Variants in GABRB2 observed in about 807,000 individuals in gnomAD.
GABRB2 encodes the protein gamma-aminobutyric acid type A receptor subunit beta2.
A neutral mutation model predicts 54.7 loss-of-function variants in GABRB2; 16 were observed. The ratio of observed to expected loss-of-function variants is 0.29; its 90% confidence interval spans 0.20 to 0.44. The LOEUF (loss-of-function observed/expected upper bound fraction) is 0.44, where lower values mean the gene tolerates loss of function less well. Ranked by LOEUF, GABRB2 falls within the 20% of genes least tolerant of loss-of-function variation. The pLI, the probability that GABRB2 is intolerant of heterozygous loss-of-function variation, is 1.00. For synonymous variants in GABRB2, 244 were observed against 233.8 expected (o/e 1.04, Z -0.40); for missense variants, 355 against 644.0 (o/e 0.55, Z 4.86).
intron 4 of GABRB2, among the ~76,000 whole-genome samples, chr5:161,416,437 CAT>C (rs941949851): frequency 2.6e-5 from 4 of 151,926 alleles, no homozygotes; most frequent in Non-Finnish European, 4.4e-5. Context: ...TGTGACTAAA[CAT>C]GTGAGAATCT....
At chr5:161,294,548 T>C in intron 9 of GABRB2, 120 bp from the exon 10 acceptor site, 2 of 747,886 alleles carry the variant, frequency 2.7e-6, no homozygotes, top group South Asian at 3.8e-5. Context: ...GAGCTACCTT[T>C]GCGATTACAT....
At position 161,336,646 on chromosome 5, in the gene GABRB2, A is replaced by G; in HGVS notation, c.665T>C (p.Val222Ala). Residue 222 changes from valine to alanine, a missense_variant, in exon 6 of 10, where the codon GTT (valine) becomes GCT (alanine). Physicochemically the swap from Val to Ala is moderately conservative, Grantham distance 64 (BLOSUM62 0). Transcript: ENST00000393959. ...ATGATACAAACCTGTGGAAAAAACAACCTTCTTGGTGATAAGTTTGTAATC... is the reference window on the plus strand; with the variant it reads ...ATGATACAAACCTGTGGAAAAAACAGCCTTCTTGGTGATAAGTTTGTAATC... Reference protein sequence around the residue: ...IVDYKLITKKVVFSTGSYPRL... With the variant: ...IVDYKLITKKAVFSTGSYPRL... The G allele has an allele frequency of 6.2e-7, 1 of 1,613,120 alleles. No individual in the cohort carries two copies. Among genetic ancestry groups the G allele is most frequent in the Non-Finnish European group, 8.5e-7 (1 of 1,179,494 alleles).
At chr5:161,459,249 G>A in intron 4 of GABRB2, 1 of 248,342 alleles carries the variant, frequency 4.0e-6, no homozygotes, top group Non-Finnish European at 7.9e-6. Context: ...CGTTGAGGCA[G>A]CTCAGAAGCA....
chr5:161,428,655 A>G (rs960080298), intron 4 of GABRB2, among the ~76,000 whole-genome samples: 5 of 152,218 alleles, frequency 3.3e-5, no homozygotes, highest in African/African-American at 1.2e-4. Context: ...ACAATAAATG[A>G]ATATTAATCT....
intron 9 of GABRB2, among the ~76,000 whole-genome samples, chr5:161,318,899 G>C (rs1561605807): frequency 6.6e-6 from 1 of 151,294 alleles, no homozygotes; most frequent in African/African-American, 2.4e-5. Context: ...CTGTGAAAAG[G>C]GCTCTTTTCT....
At chr5:161,463,317 C>CACCACA (rs1554102377) in intron 3 of GABRB2, among the ~76,000 whole-genome samples, 2 of 141,188 alleles carry the variant, frequency 1.4e-5, no homozygotes, top group African/African-American at 2.6e-5. Context: ...TACACACACA[C>CACCACA]CACACACACA....
intron 4 of GABRB2, among the ~76,000 whole-genome samples, chr5:161,439,328 TAA>T (rs1757394895): frequency 6.6e-6 from 1 of 152,060 alleles, no homozygotes; most frequent in Admixed American, 6.6e-5. Flanking sequence ...GAAGGAGAAA[TAA>T]AGACTTTCCC....
intron 4 of GABRB2, among the ~76,000 whole-genome samples, chr5:161,457,360 C>T (rs1364138537): frequency 6.6e-6 from 1 of 151,908 alleles, no homozygotes; most frequent in Non-Finnish European, 1.5e-5. Context: ...AATAACTTGT[C>T]GTCATTTTTG....
At chr5:161,361,186 T>G (rs1754799862) in intron 5 of GABRB2, among the ~76,000 whole-genome samples, 1 of 152,048 alleles carries the variant, frequency 6.6e-6, no homozygotes, top group Non-Finnish European at 1.5e-5. Flanking sequence ...ATGGGCTTCA[T>G]TTCAATCCTA....
intron 9 of GABRB2, among the ~76,000 whole-genome samples, chr5:161,322,987 T>A (rs541243335): frequency 1.3e-5 from 2 of 152,200 alleles, no homozygotes; most frequent in Non-Finnish European, 2.9e-5. Flanking sequence ...AATATACTTT[T>A]AAAATACTTT....
rs75820188 is a variant in GABRB2, at chr5:161,456,815, A to T, written c.458+2809T>A. Reference sequence around the variant, plus strand: ...TTCAATGCAGACCTATGGAATACAGACACAAACTTCTCACTACATTGTCAG... The same window carrying T: ...TTCAATGCAGACCTATGGAATACAGTCACAAACTTCTCACTACATTGTCAG... On this transcript the variant is annotated intron_variant, in intron 4 of 9. Transcript: ENST00000393959. 2.3e-3 allele frequency among the ~76,000 whole-genome samples: 353 copies of T among 152,364 alleles called. 10 individuals carry two copies. The East Asian group carries it at 0.054, about 23-fold the overall frequency.
At chr5:161,339,583 A>G (rs557823757) in intron 5 of GABRB2, among the ~76,000 whole-genome samples, 1 of 152,270 alleles carries the variant, frequency 6.6e-6, no homozygotes, top group East Asian at 1.9e-4. Context: ...TAATGATAGC[A>G]ATTAAAATAA....
At chr5:161,499,472 C>T (rs1759360793) in intron 3 of GABRB2, among the ~76,000 whole-genome samples, 1 of 152,102 alleles carries the variant, frequency 6.6e-6, no homozygotes, top group Admixed American at 6.6e-5. Flanking sequence ...CTCCTAAACA[C>T]CCAACGGTTT....
chr5:161,364,127 A>G (rs1237265701), intron 5 of GABRB2, among the ~76,000 whole-genome samples: 1 of 152,014 alleles, frequency 6.6e-6, no homozygotes, highest in Non-Finnish European at 1.5e-5. Context: ...TCTATATTCC[A>G]CACTATGTCA....
chr5:161,425,510 T>C (rs1756972067), intron 4 of GABRB2, among the ~76,000 whole-genome samples: 1 of 152,088 alleles, frequency 6.6e-6, no homozygotes, highest in Non-Finnish European at 1.5e-5. Flanking sequence ...AATGAAGTAT[T>C]TTAAATAAGG....
chr5:161,352,307 C>G (rs1375367645), intron 5 of GABRB2, among the ~76,000 whole-genome samples: 2 of 151,812 alleles, frequency 1.3e-5, no homozygotes, highest in African/African-American at 2.4e-5. Flanking sequence ...GAACCTGTGT[C>G]CATCAATGGA....
In GABRB2 at chr5:161,359,440, G is replaced by GACACACACACACACACAC. The variant is rs57251440; in HGVS notation, c.542-22689_542-22672dup. ...CTTTCAAGAGCACAAAATTGCATCT[G>GACACACACACACACACAC]ACACACACACACACACACACACACA... On this transcript the variant is annotated intron_variant, in intron 5 of 9. Transcript: ENST00000393959. 6.0e-3 allele frequency among the ~76,000 whole-genome samples: 888 copies of GACACACACACACACACAC among 147,800 alleles called. 5 individuals carry two copies. Among genetic ancestry groups the GACACACACACACACACAC allele is most frequent in the African/African-American group, 0.012 (502 of 40,278 alleles).
chr5:161,545,093 G>A, intron 3 of GABRB2, 134 bp downstream of exon 3: 2 of 565,114 alleles, frequency 3.5e-6, no homozygotes, highest in East Asian at 3.3e-5. Context: ...GTATTCTAGG[G>A]TGAAATTCCA....
chr5:161,374,523 C>T (rs1429693408), intron 5 of GABRB2, among the ~76,000 whole-genome samples: 1 of 152,206 alleles, frequency 6.6e-6, no homozygotes, highest in African/African-American at 2.4e-5. Flanking sequence ...TTCTTACAAA[C>T]TCCACCCTGT....
Sources: allele counts gnomAD v4.1 joint callset (sites outside exome capture counted in the v4.1 genomes callset), GRCh38; gene constraint gnomAD v4.1.1; transcripts MANE v1.5; gene names NCBI Gene and HGNC (gene_info 2026-07-23, HGNC 2026-07-21).